CLDN16: variants seen among roughly 807,000 people sequenced by gnomAD.
The protein encoded by CLDN16 is claudin-16.
In CLDN16, 13 loss-of-function variants were observed where a neutral mutation model predicts 24.6. The observed-to-expected ratio is 0.53, with a 90% CI of 0.34 to 0.84. The LOEUF (loss-of-function observed/expected upper bound fraction) is 0.84. CLDN16 is among the 40% of genes least tolerant of loss of function. The pLI is 0.01. For missense variants in CLDN16, 298 were observed against 292.7 expected (o/e 1.02, Z -0.13); for synonymous variants, 116 against 106.7 (o/e 1.09, Z -0.54).
chr3:190,310,285 C>T, the CLDN16 span: 2 of 1,522,858 alleles, frequency 1.3e-6, no homozygotes, highest in Non-Finnish European at 1.8e-6. Context: ...GACTGTTAAT[C>T]ACCATGGAAC....
rs1312954012 is a variant in CLDN16 at position 190,410,810 on chromosome 3, A to C, written c.*774A>C. 3 of 152,246 alleles carry C rather than the reference A, an allele frequency of 2.0e-5. No individual in the cohort carries two copies. Among genetic ancestry groups the C allele is most frequent in the Non-Finnish European group, 4.4e-5 (3 of 68,054 alleles). 9.4% of individuals were successfully genotyped at this position (152,246 alleles called of 1,614,324 possible). On this transcript the variant is annotated 3_prime_UTR_variant, in exon 5 of 5. Coordinates refer to ENST00000264734, the MANE Select transcript of CLDN16 (RefSeq NM_006580.4). Reference sequence around the variant, plus strand: ...GAGAATTTACTCATTTATTGATTAAACATCCAAATACTATTGTAATATACT... The same window carrying C: ...GAGAATTTACTCATTTATTGATTAACCATCCAAATACTATTGTAATATACT...
chr3:190,347,777 T>C (rs1402767413), intron 1 of CLDN16, among the ~76,000 whole-genome samples: 2 of 152,176 alleles, frequency 1.3e-5, no homozygotes, highest in Admixed American at 6.5e-5. Flanking sequence ...TAGGTTTCTC[T>C]GAAGTGGCGA....
In CLDN16 at chr3:190,399,509, C is replaced by CAA. The variant is rs532153086; in HGVS notation, c.115-2821_115-2820dup. Among the ~76,000 whole-genome samples the CAA allele has an allele frequency of 9.6e-3, 621 of 64,466 alleles. 4 individuals carry two copies. Among genetic ancestry groups the CAA allele is most frequent in the African/African-American group, 0.04 (605 of 15,222 alleles). The allele number at this position is 64,466 out of a possible 152,430, so 42.3% of individuals were successfully genotyped here. ...TGGGGAAAACAGCGAGACTCTGCCTCAAAAAAAATTGTTTTTAAACATTTG... is the reference window on the plus strand; with the variant it reads ...TGGGGAAAACAGCGAGACTCTGCCTCAAAAAAAAAATTGTTTTTAAACATTTG... On this transcript the variant is annotated intron_variant, in intron 1 of 4. Coordinates refer to ENST00000264734, the MANE Select transcript of CLDN16 (RefSeq NM_006580.4).
intron 1 of CLDN16, among the ~76,000 whole-genome samples, chr3:190,356,346 A>C (rs1184674257): frequency 6.6e-6 from 1 of 151,824 alleles, no homozygotes; most frequent in Non-Finnish European, 1.5e-5. Context: ...TGAAAGTCAT[A>C]AGTTTCAAAT....
chr3:190,404,778 T>A lies in CLDN16; in HGVS notation c.234T>A (p.Thr78=), dbSNP rs775232251. Residue 78 remains threonine (T), a synonymous_variant, in exon 3 of 5, where the codon ACT becomes ACA. Coordinates refer to ENST00000264734, the MANE Select transcript of CLDN16 (RefSeq NM_006580.4). ...GTCTTCCAGTGAAGCTGGTGGTAAC[T>A]CGAGCGTTGATGATTACTGCAGATA... ...LAEHPLKLVV[T]RALMITADIL... The A allele has an allele frequency of 6.2e-7, 1 of 1,614,196 alleles. No homozygotes were observed. The highest frequency in any genetic ancestry group is 8.5e-7 in the Non-Finnish European group (1 of 1,180,032).
the CLDN16 span, among the ~76,000 whole-genome samples, chr3:190,312,485 A>G: frequency 6.6e-6 from 1 of 152,154 alleles, no homozygotes; most frequent in African/African-American, 2.4e-5. Flanking sequence ...ACAGACCTGA[A>G]GGGTTCACAT....
At chr3:190,313,038 T>C in the CLDN16 span, 1 of 1,614,128 alleles carries the variant, frequency 6.2e-7, no homozygotes. Flanking sequence ...GCAATGTGCC[T>C]GGCAGAAAAC....
chr3:190,388,288 G>C lies in CLDN16; in HGVS notation c.-42G>C, dbSNP rs773763573. 7 of 1,613,984 alleles carry C rather than the reference G, an allele frequency of 4.3e-6. No homozygotes were observed. Among genetic ancestry groups the C allele is most frequent in the Non-Finnish European group, 5.1e-6 (6 of 1,180,016 alleles). ...CCGCCACTTAAGTGGGGCCAGGGCT[G>C]GTGTCTGCCCATGTTGCCATCCTGA... On this transcript the variant is annotated 5_prime_UTR_variant, in exon 1 of 5. Coordinates refer to ENST00000264734, the MANE Select transcript of CLDN16 (RefSeq NM_006580.4).
At position 190,404,613 on chromosome 3, in the gene CLDN16, G is replaced by A. The variant is rs1719042624; in HGVS notation, c.218-149G>A. ...TTTTAGTTTTATGAAAACATTAGGG[G>A]TACTTATGTTCAAGTTCATACAAAG... On this transcript the variant is annotated intron_variant, in intron 2 of 4. Transcript: ENST00000264734. 8.0e-6 allele frequency: 6 copies of A among 748,358 alleles called. No homozygotes were observed. In the East Asian group the frequency reaches 1.3e-4, roughly 16 times the overall value. 46.4% of individuals were successfully genotyped at this position (748,358 alleles called of 1,614,324 possible).
At chr3:190,350,262 T>G (rs955899642) in intron 1 of CLDN16, among the ~76,000 whole-genome samples, 1 of 151,722 alleles carries the variant, frequency 6.6e-6, no homozygotes, top group Non-Finnish European at 1.5e-5. Context: ...GCTCTTCAAA[T>G]TAGCCCAAAG....
chr3:190,323,627 C>T lies in CLDN16; in HGVS notation n.121+966C>T, dbSNP rs1028385508. Among the ~76,000 whole-genome samples, 21 of 152,230 alleles carry T rather than the reference C, an allele frequency of 1.4e-4. No homozygotes were observed. The East Asian group carries it at 2.9e-3, about 21-fold the overall frequency. On this transcript the variant is annotated intron_variant and non_coding_transcript_variant, in intron 1 of 4. Coordinates refer to the CLDN16 transcript ENST00000468220. ...GAAGCATCTTGGAAGCAGAAATAAA[C>T]ATATTAAGGATAAAATAAGATATAC...
At chr3:190,316,495 T>C in the CLDN16 span, among the ~76,000 whole-genome samples, 1 of 152,250 alleles carries the variant, frequency 6.6e-6, no homozygotes, top group Non-Finnish European at 1.5e-5. Context: ...AATGATAGGT[T>C]ACCAGTCAAA....
the CLDN16 span, among the ~76,000 whole-genome samples, chr3:190,316,546 G>A: frequency 6.6e-6 from 1 of 152,172 alleles, no homozygotes; most frequent in Non-Finnish European, 1.5e-5. Context: ...TGTTTTATGT[G>A]CAGATCAAAT....
At chr3:190,301,658 T>G in the CLDN16 span, among the ~76,000 whole-genome samples, 1 of 152,222 alleles carries the variant, frequency 6.6e-6, no homozygotes, top group Non-Finnish European at 1.5e-5. Flanking sequence ...GAATCATTTT[T>G]GACAAGTCTT....
the CLDN16 span, among the ~76,000 whole-genome samples, chr3:190,302,833 G>A: frequency 2.7e-5 from 4 of 150,404 alleles, no homozygotes; most frequent in East Asian, 1.9e-4. Context: ...TAGAAAGTAT[G>A]TCTGGTAAGA....
At chr3:190,373,376 C>G (rs890678965) in intron 2 of CLDN16, among the ~76,000 whole-genome samples, 1 of 151,894 alleles carries the variant, frequency 6.6e-6, no homozygotes, top group Non-Finnish European at 1.5e-5. Context: ...ATTTTATGAA[C>G]AGTTTCATTA....
At chr3:190,307,439 A>ATTT in the CLDN16 span, 1 of 152,200 alleles carries the variant, frequency 6.6e-6, no homozygotes, top group South Asian at 2.1e-4. Flanking sequence ...TTGGACAAAT[A>ATTT]TTTTCAAAGC....
chr3:190,325,556 C>T (rs913102548), intron 1 of CLDN16, among the ~76,000 whole-genome samples: 2 of 152,082 alleles, frequency 1.3e-5, no homozygotes, highest in Non-Finnish European at 2.9e-5. Context: ...TGTGCTTGTG[C>T]GACTGATGCT....
upstream of CLDN16, among the ~76,000 whole-genome samples, chr3:190,319,781 G>A (rs1406789605): frequency 6.6e-6 from 1 of 152,140 alleles, no homozygotes; most frequent in South Asian, 2.1e-4. Flanking sequence ...TAACAAAACT[G>A]TACCAAAACC....
Sources: allele counts gnomAD v4.1 joint callset (sites outside exome capture counted in the v4.1 genomes callset), GRCh38; gene constraint gnomAD v4.1.1; transcripts MANE v1.5; gene names NCBI Gene and HGNC (gene_info 2026-07-23, HGNC 2026-07-21).